PCDHA9: variants seen among roughly 807,000 people sequenced by gnomAD.
PCDHA9 encodes the protein protocadherin alpha-9.
PCDHA9 carries 62 observed loss-of-function variants against 62.0 expected under a neutral mutation model. The ratio of observed to expected loss-of-function variants is 1.00; its 90% CI spans 0.81 to 1.23. The LOEUF (loss-of-function observed/expected upper bound fraction) is 1.23. Ranked by LOEUF, PCDHA9 falls within the 50% of genes most tolerant of loss-of-function variation. The pLI is 0.00. For missense variants in PCDHA9, 1,205 were observed against 1,249.8 expected (o/e 0.96, Z 0.54); for synonymous variants, 557 against 567.6 (o/e 0.98, Z 0.27).
At chr5:140,986,946 G>A (rs544796668) in intron 3 of PCDHA9, among the ~76,000 whole-genome samples, 9 of 152,230 alleles carry the variant, frequency 5.9e-5, no homozygotes, top group South Asian at 2.1e-4. Context: ...GGGTGTGGTC[G>A]CTCATGCCTG....
intron 1 of PCDHA9, among the ~76,000 whole-genome samples, chr5:140,937,867 G>A (rs1009502911): frequency 7.9e-5 from 12 of 151,142 alleles, no homozygotes; most frequent in African/African-American, 1.2e-4. Flanking sequence ...AGCCGAGATC[G>A]CGCCACTGCA....
At chr5:141,006,382 T>A (rs2098271166) in intron 3 of PCDHA9, among the ~76,000 whole-genome samples, 1 of 151,910 alleles carries the variant, frequency 6.6e-6, no homozygotes, top group African/African-American at 2.4e-5. Context: ...CGGCTAAGTT[T>A]TTTCTATTTT....
At chr5:140,864,048 T>G (rs1053633631) in intron 1 of PCDHA9, 9 of 152,932 alleles carry the variant, frequency 5.9e-5, no homozygotes, top group African/African-American at 2.2e-4. Flanking sequence ...CACTTTTTAC[T>G]ACAGTCACCA....
chr5:140,980,030 C>T (rs552658283), intron 2 of PCDHA9, among the ~76,000 whole-genome samples: 29 of 152,292 alleles, frequency 1.9e-4, no homozygotes, highest in Admixed American at 4.6e-4. Flanking sequence ...GAAATCATTA[C>T]ATTGGGTGCT....
At chr5:140,860,138 T>C (rs2046209991) in intron 1 of PCDHA9, 2 of 150,752 alleles carry the variant, frequency 1.3e-5, no homozygotes, top group Admixed American at 1.3e-4. Flanking sequence ...TGTGTGTATA[T>C]ATATGTATAT....
chr5:140,871,413 C>T (rs2053063966), intron 1 of PCDHA9: 5 of 1,613,884 alleles, frequency 3.1e-6, no homozygotes, highest in Admixed American at 1.7e-5. Context: ...ACCTCATGGC[C>T]TTCAGCCCCA....
Position 140,927,111 on chromosome 5 carries a change from C to T in PCDHA9, c.2395-51838C>T. Reference sequence around the variant, plus strand: ...ACTTCGGGGTGGATCTACCCAGCGGCAATTTGGTGGTCAGAGAGCCGGCGG... The same window carrying T: ...ACTTCGGGGTGGATCTACCCAGCGGTAATTTGGTGGTCAGAGAGCCGGCGG... On this transcript the variant is annotated intron_variant, in intron 1 of 3. Transcript: ENST00000532602. The T allele has an allele frequency of 3.7e-6, 6 of 1,613,856 alleles. No individual in the cohort carries two copies. In the Middle Eastern group the frequency reaches 8.3e-4, roughly 222 times the overall value.
intron 1 of PCDHA9, among the ~76,000 whole-genome samples, chr5:140,879,490 C>T (rs2058010245): frequency 2.0e-5 from 3 of 152,090 alleles, no homozygotes; most frequent in Admixed American, 2.0e-4. Flanking sequence ...AAATATGGGT[C>T]TGGATCTCAG....
chr5:140,969,631 G>C (rs1554231956), intron 1 of PCDHA9: 1 of 227,796 alleles, frequency 4.4e-6, no homozygotes, highest in Non-Finnish European at 7.3e-6. Flanking sequence ...AAACAGGACA[G>C]GCCTTGGAAT....
intron 1 of PCDHA9, among the ~76,000 whole-genome samples, chr5:140,961,697 T>A (rs1326642906): frequency 6.6e-6 from 1 of 152,232 alleles, no homozygotes; most frequent in Non-Finnish European, 1.5e-5. Flanking sequence ...GTCCTTAGTA[T>A]GAATGCCTTC....
At chr5:140,972,540 T>C (rs1375467339) in intron 1 of PCDHA9, among the ~76,000 whole-genome samples, 1 of 152,148 alleles carries the variant, frequency 6.6e-6, no homozygotes, top group East Asian at 1.9e-4. Context: ...AAATCACTTG[T>C]GCAGTGAGGA....
intron 1 of PCDHA9, chr5:140,857,847 CTG>C: frequency 6.3e-7 from 1 of 1,597,872 alleles, no homozygotes; most frequent in Non-Finnish European, 8.6e-7. Flanking sequence ...GACGCTGACT[CTG>C]GATACAACGC....
rs139625618 is a variant in PCDHA9 at position 141,008,025 on chromosome 5, T to C, written c.2543-1602T>C. 1.8e-3 allele frequency among the ~76,000 whole-genome samples: 273 copies of C among 152,354 alleles called. 1 individual carries two copies. Among genetic ancestry groups the C allele is most frequent in the Middle Eastern group, 6.8e-3 (2 of 294 alleles). Reference sequence around the variant, plus strand: ...TAAACTTCTGTTTCCTTTTTTTTCTTGTTAATCTGCCTTTTGTAACAGGGG... The same window carrying C: ...TAAACTTCTGTTTCCTTTTTTTTCTCGTTAATCTGCCTTTTGTAACAGGGG... On this transcript the variant is annotated intron_variant, in intron 3 of 3. Transcript: ENST00000532602.
chr5:140,861,591 A>G, intron 1 of PCDHA9: 1 of 374,610 alleles, frequency 2.7e-6, no homozygotes, highest in South Asian at 2.5e-5. Context: ...TGTGGAGGTG[A>G]AAGTGAAGAA....
chr5:140,877,516 G>A, intron 1 of PCDHA9: 1 of 1,613,816 alleles, frequency 6.2e-7, no homozygotes, highest in Non-Finnish European at 8.5e-7. Flanking sequence ...GTCGTCGCGG[G>A]CCTCAGTGGG....
At chr5:140,968,781 C>G in intron 1 of PCDHA9, 1 of 1,614,182 alleles carries the variant, frequency 6.2e-7, no homozygotes. Context: ...TCACTATCAG[C>G]CTCTGTGGCC....
chr5:140,883,533 A>T, intron 1 of PCDHA9: 2 of 1,614,190 alleles, frequency 1.2e-6, no homozygotes, highest in South Asian at 2.2e-5. Flanking sequence ...TCAGCCTATG[A>T]ACTGGTGGTG....
intron 1 of PCDHA9, among the ~76,000 whole-genome samples, chr5:140,949,115 T>G (rs2094346093): frequency 6.6e-6 from 1 of 151,756 alleles, no homozygotes; most frequent in African/African-American, 2.4e-5. Context: ...TACAAATATT[T>G]TTGGTTTTCC....
intron 3 of PCDHA9, among the ~76,000 whole-genome samples, chr5:140,984,776 G>C (rs1310495858): frequency 6.6e-6 from 1 of 152,062 alleles, no homozygotes; most frequent in Non-Finnish European, 1.5e-5. Context: ...AAGCTTACTT[G>C]CTGGGTGAGC....
Sources: gnomAD v4.1 joint callset for allele counts (sites outside exome capture counted in the v4.1 genomes callset) on GRCh38, gnomAD v4.1.1 for gene constraint, MANE v1.5 for transcripts, NCBI Gene and HGNC (gene_info 2026-07-23, HGNC 2026-07-21) for gene names.